SMAGP: variants seen among roughly 807,000 people sequenced by gnomAD.
SMAGP encodes small cell adhesion glycoprotein.
Under a neutral mutation model 10.1 loss-of-function variants are expected in SMAGP, and 7 were observed. That is an observed-to-expected ratio of 0.70 (90% confidence interval 0.40 to 1.31). The LOEUF is 1.31. Among genes scored for constraint, SMAGP ranks in the 50% most tolerant of loss-of-function variants. SMAGP has a pLI of 0.01. For missense variants in SMAGP, 113 were observed against 116.5 expected (o/e 0.97, Z 0.14); for synonymous variants, 49 against 47.2 (o/e 1.04, Z -0.16).
At chr12:51,254,754 A>G (rs1231930543) in intron 2 of SMAGP, among the ~76,000 whole-genome samples, 1 of 152,100 alleles carries the variant, frequency 6.6e-6, no homozygotes, top group Non-Finnish European at 1.5e-5. Context: ...GCAGTCATGC[A>G]AAGAGCTGAT....
chr12:51,257,552 A>T (rs117282961), intron 2 of SMAGP, among the ~76,000 whole-genome samples: 10 of 145,642 alleles, frequency 6.9e-5, no homozygotes, highest in African/African-American at 1.0e-4. Context: ...CTTTGTATAC[A>T]TTTTTTTTTT....
intron 2 of SMAGP, among the ~76,000 whole-genome samples, chr12:51,263,073 T>C (rs140099692): frequency 1.3e-5 from 2 of 152,300 alleles, no homozygotes; most frequent in East Asian, 3.9e-4. Context: ...ACTAGCTGTG[T>C]GACCTTGGGA....
chr12:51,259,003 A>C (rs1237307310), intron 2 of SMAGP, among the ~76,000 whole-genome samples: 3 of 150,960 alleles, frequency 2.0e-5, no homozygotes, highest in Non-Finnish European at 3.0e-5. Flanking sequence ...AAAAAAAAAA[A>C]AAAAAAAACC....
chr12:51,266,778 G>A (rs552672478), intron 2 of SMAGP, among the ~76,000 whole-genome samples: 2 of 152,114 alleles, frequency 1.3e-5, no homozygotes, highest in South Asian at 2.1e-4. Flanking sequence ...AATTGTCTGC[G>A]AAAAAATGGC....
chr12:51,264,990 T>A (rs954558487), intron 2 of SMAGP, among the ~76,000 whole-genome samples: 4 of 150,400 alleles, frequency 2.7e-5, no homozygotes, highest in South Asian at 4.2e-4. Context: ...ATCAATTTTT[T>A]AAAAAAAATT....
At chr12:51,269,135 CAGAG>C in intron 2 of SMAGP, 106 bp downstream of exon 2, 1 of 1,174,680 alleles carries the variant, frequency 8.5e-7, no homozygotes, top group South Asian at 1.3e-5. Context: ...GTGAGGCAGG[CAGAG>C]AGAGGTGGGA....
At chr12:51,249,034 C>T (rs1050246969) in intron 2 of SMAGP, among the ~76,000 whole-genome samples, 4 of 151,706 alleles carry the variant, frequency 2.6e-5, no homozygotes, top group South Asian at 2.1e-4. Context: ...GAGCTGAGAT[C>T]GCGCCACTGA....
chr12:51,260,709 G>A (rs1272115770), intron 2 of SMAGP, among the ~76,000 whole-genome samples: 9 of 119,944 alleles, frequency 7.5e-5, no homozygotes, highest in African/African-American at 2.0e-4. Context: ...TTTTTGAGAC[G>A]GAGTCTCATT....
At chr12:51,254,927 C>T (rs367940010) in intron 2 of SMAGP, among the ~76,000 whole-genome samples, 2 of 152,172 alleles carry the variant, frequency 1.3e-5, no homozygotes, top group Admixed American at 1.3e-4. Flanking sequence ...GTCAAGGAGG[C>T]CTGTACAACA....
intron 2 of SMAGP, among the ~76,000 whole-genome samples, chr12:51,251,873 T>C (rs1179783204): frequency 6.6e-6 from 1 of 152,166 alleles, no homozygotes; most frequent in Non-Finnish European, 1.5e-5. Flanking sequence ...CTTTAATGTT[T>C]AACATGATCA....
chr12:51,250,343 C>G (rs1001611711), intron 2 of SMAGP, among the ~76,000 whole-genome samples: 1 of 151,916 alleles, frequency 6.6e-6, no homozygotes, highest in Non-Finnish European at 1.5e-5. Flanking sequence ...CACTGCATTA[C>G]TGAATTGTTG....
rs1228577834 is a variant in SMAGP, at chr12:51,245,398, A to C, written c.*543T>G. On this transcript the variant is annotated 3_prime_UTR_variant, in exon 4 of 4. Transcript: ENST00000603798. ...TAATTTGAATAAAAATCACGTAAGC[A>C]TGAGGTTGTTGGGGAACACGGAAAG... The C allele has an allele frequency of 1.3e-5, 2 of 152,824 alleles. No homozygotes were observed. Among genetic ancestry groups the C allele is most frequent in the Non-Finnish European group, 2.9e-5 (2 of 68,164 alleles). 9.5% of individuals were successfully genotyped at this position (152,824 alleles called of 1,614,324 possible).
intron 2 of SMAGP, among the ~76,000 whole-genome samples, chr12:51,256,344 G>A (rs567376979): frequency 6.6e-6 from 1 of 152,216 alleles, no homozygotes; most frequent in Non-Finnish European, 1.5e-5. Flanking sequence ...TTAGCACTTT[G>A]GGAGGCTGAG....
chr12:51,266,468 G>GAAA (rs35554559), intron 2 of SMAGP, among the ~76,000 whole-genome samples: 2 of 142,648 alleles, frequency 1.4e-5, no homozygotes. Flanking sequence ...CTTGACTTAA[G>GAAA]AAAAAAAAAA....
chr12:51,265,853 T>C (rs539159612), intron 2 of SMAGP, among the ~76,000 whole-genome samples: 2,239 of 152,158 alleles, frequency 0.015, 18 homozygotes, highest in Non-Finnish European at 0.025. Context: ...GAGGCCGAGG[T>C]GGGCGGATCA....
intron 2 of SMAGP, among the ~76,000 whole-genome samples, chr12:51,255,636 G>C (rs1378752269): frequency 2.0e-5 from 3 of 152,208 alleles, no homozygotes; most frequent in Non-Finnish European, 4.4e-5. Flanking sequence ...ATACATGATT[G>C]AAACAGGGAT....
chr12:51,246,658 G>C, intron 3 of SMAGP, 93 bp downstream of exon 3: 9 of 776,166 alleles, frequency 1.2e-5, no homozygotes, highest in Non-Finnish European at 1.8e-5. Context: ...TTACAAGCCA[G>C]AGTGAGCCCA....
intron 2 of SMAGP, among the ~76,000 whole-genome samples, chr12:51,248,552 G>A (rs919568611): frequency 3.3e-5 from 5 of 151,726 alleles, no homozygotes; most frequent in African/African-American, 7.3e-5. Context: ...GTGTCACACC[G>A]CAGGAGCGGG....
In SMAGP at chr12:51,255,781, C is replaced by CT. The variant is rs560170919; in HGVS notation, c.35-8951dup. On this transcript the variant is annotated intron_variant, in intron 2 of 3. Transcript: ENST00000603798. ...AAGGTGTGCCTTTTTCTTTTTCTTT[C>CT]TTTTTTTTGAGACAGGGTCTTGCTC... 1.2e-3 allele frequency among the ~76,000 whole-genome samples: 176 copies of CT among 151,960 alleles called. 1 individual carries two copies. Among genetic ancestry groups the CT allele is most frequent in the African/African-American group, 3.2e-3 (133 of 41,476 alleles).
Sources: gnomAD v4.1 joint callset for allele counts (sites outside exome capture counted in the v4.1 genomes callset) on GRCh38, gnomAD v4.1.1 for gene constraint, MANE v1.5 for transcripts, NCBI Gene and HGNC (gene_info 2026-07-23, HGNC 2026-07-21) for gene names.